NRXN1: variants seen among roughly 807,000 people sequenced by gnomAD.
NRXN1 encodes neurexin 1.
In NRXN1, 39 loss-of-function variants were observed where a neutral mutation model predicts 150.9. That is an observed-to-expected ratio of 0.26 (90% confidence interval 0.20 to 0.34). NRXN1 has a LOEUF of 0.34. Among genes scored for constraint, NRXN1 ranks in the 10% least tolerant of loss-of-function variants. The pLI, the probability that NRXN1 is intolerant of heterozygous loss-of-function variation, is 1.00. For missense variants in NRXN1, 1,815 were observed against 1,949.9 expected (o/e 0.93, Z 1.30); for synonymous variants, 924 against 757.0 (o/e 1.22, Z -3.62).
Position 50,452,217 on chromosome 2 carries a change from C to A in NRXN1, c.3364+13225G>T, listed in dbSNP as rs548678806. Among the ~76,000 whole-genome samples, 962 of 152,280 alleles carry A rather than the reference C, an allele frequency of 6.3e-3. 11 individuals carry two copies. The highest frequency in any genetic ancestry group is 0.021 in the African/African-American group (890 of 41,558). ...TTAATCAGATTTCTTTTTCCAAGTT[C>A]TTCCTTTTTATAGGAATTGGCAGGA... is the stretch of plus-strand genomic sequence containing the variant. On this transcript the variant is annotated intron_variant, in intron 17 of 22. Transcript: ENST00000401669.
intron 17 of NRXN1, among the ~76,000 whole-genome samples, chr2:50,345,662 G>C (rs2077897593): frequency 6.6e-6 from 1 of 152,202 alleles, no homozygotes; most frequent in Non-Finnish European, 1.5e-5. Context: ...CTGAAAATTA[G>C]AGGAATCTGG....
chr2:50,170,620 A>C (rs1280268492), intron 18 of NRXN1, among the ~76,000 whole-genome samples: 1 of 152,148 alleles, frequency 6.6e-6, no homozygotes, highest in East Asian at 1.9e-4. Context: ...GGCTCTAATC[A>C]TCATTCATAT....
intron 14 of NRXN1, among the ~76,000 whole-genome samples, chr2:50,496,752 T>C (rs2091653248): frequency 6.6e-6 from 1 of 152,186 alleles, no homozygotes; most frequent in South Asian, 2.1e-4. Context: ...TTTATATCCG[T>C]GCATGGCACC....
intron 5 of NRXN1, among the ~76,000 whole-genome samples, chr2:50,701,012 C>T (rs557648734): frequency 1.1e-4 from 16 of 152,160 alleles, no homozygotes; most frequent in African/African-American, 3.9e-4. Context: ...AAGGGTGCTT[C>T]TTCCACTACA....
intron 2 of NRXN1, among the ~76,000 whole-genome samples, chr2:51,023,633 A>T (rs1454799510): frequency 1.3e-5 from 2 of 152,206 alleles, no homozygotes; most frequent in East Asian, 1.9e-4. Context: ...TCATTTTTTT[A>T]AAGTCAATAT....
In NRXN1 at chr2:49,919,409, G is replaced by A. The variant is rs886056156; in HGVS notation, c.*2535C>T. ...TGCATGTAACTTTAAAATTTACGCTGGGGAGAAACATTGAAATCAATCCCA... is the reference window on the plus strand; with the variant it reads ...TGCATGTAACTTTAAAATTTACGCTAGGGAGAAACATTGAAATCAATCCCA... On this transcript the variant is annotated 3_prime_UTR_variant, in exon 23 of 23. Transcript: ENST00000401669. The A allele has an allele frequency of 6.6e-6, 1 of 151,934 alleles. No individual in the cohort carries two copies. The highest frequency in any genetic ancestry group is 1.5e-5 in the Non-Finnish European group (1 of 67,926). 9.4% of individuals were successfully genotyped at this position (151,934 alleles called of 1,614,324 possible).
At chr2:50,611,699 T>G (rs746252389) in intron 8 of NRXN1, among the ~76,000 whole-genome samples, 7 of 152,340 alleles carry the variant, frequency 4.6e-5, no homozygotes, top group Middle Eastern at 3.4e-3. Flanking sequence ...GCATTCCTGT[T>G]TGTATGGCTG....
intron 5 of NRXN1, among the ~76,000 whole-genome samples, chr2:50,740,552 T>A (rs1024796643): frequency 6.6e-6 from 1 of 152,192 alleles, no homozygotes; most frequent in African/African-American, 2.4e-5. Context: ...AACTGGTGTA[T>A]TTTCTCCTTA....
intron 21 of NRXN1, among the ~76,000 whole-genome samples, chr2:49,949,847 G>A (rs1673611358): frequency 6.6e-6 from 1 of 151,764 alleles, no homozygotes; most frequent in Admixed American, 6.6e-5. Flanking sequence ...TGATATCTTT[G>A]GTTAACTGAT....
rs72880028 is a variant in NRXN1, at chr2:50,512,375, A to C, written c.2375-5758T>G. Among the ~76,000 whole-genome samples, 930 of 152,298 alleles carry C rather than the reference A, an allele frequency of 6.1e-3. 9 individuals are homozygous for C. Among genetic ancestry groups the C allele is most frequent in the African/African-American group, 0.021 (885 of 41,568 alleles). On this transcript the variant is annotated intron_variant, in intron 12 of 22. Transcript: ENST00000401669. ...ATGTGTTTATTATTTTATATAGTCAAATTTTAATGGTGATAACTTTTTTCT... is the reference window on the plus strand; with the variant it reads ...ATGTGTTTATTATTTTATATAGTCACATTTTAATGGTGATAACTTTTTTCT...
chr2:50,405,483 T>C (rs539143653), intron 17 of NRXN1, among the ~76,000 whole-genome samples: 191 of 152,240 alleles, frequency 1.3e-3, no homozygotes, highest in African/African-American at 4.3e-3. Context: ...GCTTAGCATA[T>C]AGAAAACAAT....
At chr2:50,417,600 A>G (rs1572894758) in intron 17 of NRXN1, among the ~76,000 whole-genome samples, 1 of 152,008 alleles carries the variant, frequency 6.6e-6, no homozygotes, top group Middle Eastern at 3.4e-3. Context: ...GCTCCTACAG[A>G]GTCTGATGGC....
intron 5 of NRXN1, among the ~76,000 whole-genome samples, chr2:50,770,689 T>C (rs1421243319): frequency 6.6e-6 from 1 of 152,080 alleles, no homozygotes; most frequent in Non-Finnish European, 1.5e-5. Flanking sequence ...AATTTTTTAT[T>C]ACTATTTTTC....
intron 18 of NRXN1, among the ~76,000 whole-genome samples, chr2:50,224,879 T>C (rs2064227095): frequency 6.6e-6 from 1 of 151,948 alleles, no homozygotes. Context: ...CAGGGAAATA[T>C]ATCACATAAG....
At chr2:50,543,045 C>CTG (rs1300033805) in intron 9 of NRXN1, among the ~76,000 whole-genome samples, 4 of 152,120 alleles carry the variant, frequency 2.6e-5, no homozygotes, top group South Asian at 4.1e-4. Context: ...AGTTGCCAAA[C>CTG]TCTATATATC....
At chr2:51,027,365 C>T (rs1670670052) in intron 2 of NRXN1, 137 bp downstream of exon 2, 1 of 882,940 alleles carries the variant, frequency 1.1e-6, no homozygotes. Flanking sequence ...GAGAGTCCCC[C>T]AGAAACAAGG....
At chr2:50,861,281 T>A (rs1406945925) in intron 5 of NRXN1, among the ~76,000 whole-genome samples, 1 of 152,036 alleles carries the variant, frequency 6.6e-6, no homozygotes, top group Non-Finnish European at 1.5e-5. Flanking sequence ...GAGATGACCA[T>A]AGCTCACTGT....
chr2:49,974,473 G>T (rs1434338316), intron 21 of NRXN1, among the ~76,000 whole-genome samples: 2 of 152,100 alleles, frequency 1.3e-5, no homozygotes, highest in Non-Finnish European at 2.9e-5. Flanking sequence ...CAGTGTGATT[G>T]CTAAACACAG....
intron 2 of NRXN1, among the ~76,000 whole-genome samples, chr2:50,951,094 T>C (rs1691252600): frequency 6.6e-6 from 1 of 152,186 alleles, no homozygotes; most frequent in African/African-American, 2.4e-5. Flanking sequence ...TTAGATTGTA[T>C]TCAATTGCTC....
Sources: gnomAD v4.1 joint callset for allele counts (sites outside exome capture counted in the v4.1 genomes callset) on GRCh38, gnomAD v4.1.1 for gene constraint, MANE v1.5 for transcripts, NCBI Gene and HGNC (gene_info 2026-07-23, HGNC 2026-07-21) for gene names.